The following IL1RAPL2 variants were observed in gnomAD, a reference collection of about 807,000 sequenced individuals.
IL1RAPL2 encodes interleukin 1 receptor accessory protein like 2, also known as X-linked interleukin-1 receptor accessory protein-like 2.
Under a neutral mutation model 44.1 loss-of-function variants are expected in IL1RAPL2, and 3 were observed. That is an observed-to-expected ratio of 0.07 (90% confidence interval 0.03 to 0.18). IL1RAPL2 has a LOEUF of 0.18. IL1RAPL2 is among the 10% of genes least tolerant of loss of function. The pLI is 1.00. For synonymous variants in IL1RAPL2, 181 were observed against 178.8 expected (o/e 1.01, Z -0.10); for missense variants, 391 against 496.4 (o/e 0.79, Z 2.02).
Position 104,871,376 on chromosome X carries a change from A to G in IL1RAPL2, c.82+212381A>G, listed in dbSNP as rs1470981367. Among the ~76,000 whole-genome samples, 43 of 111,706 alleles carry G rather than the reference A, an allele frequency of 3.8e-4. No individual in the cohort carries two copies. In the Admixed American group the frequency reaches 4.1e-3, roughly 11 times the overall value. Reference sequence around the variant, plus strand: ...TTTTTCTATTGTCACATGATAATACAAATCTGGGACACCACAGTAGAAATA... The same window carrying G: ...TTTTTCTATTGTCACATGATAATACGAATCTGGGACACCACAGTAGAAATA... On this transcript the variant is annotated intron_variant, in intron 2 of 10. Coordinates refer to ENST00000372582, the MANE Select transcript of IL1RAPL2 (RefSeq NM_017416.2).
chrX:105,041,852 G>A (rs1304199102), intron 2 of IL1RAPL2, among the ~76,000 whole-genome samples: 1 of 110,705 alleles, frequency 9.0e-6, no homozygotes, highest in Non-Finnish European at 1.9e-5. Context: ...GTAACCAAAA[G>A]AGCATGGTAC....
chrX:105,577,874 A>G (rs1488151217), intron 6 of IL1RAPL2, among the ~76,000 whole-genome samples: 1 of 110,361 alleles, frequency 9.1e-6, no homozygotes, highest in Non-Finnish European at 1.9e-5. Flanking sequence ...TTGTAGGAAA[A>G]TTTTCACTTT....
intron 3 of IL1RAPL2, chrX:105,219,576 A>T: frequency 8.3e-7 from 1 of 1,209,271 alleles, no homozygotes; most frequent in Non-Finnish European, 1.1e-6. Context: ...TGGCCTCCAC[A>T]GGGGCAGCCA....
In IL1RAPL2 at chrX:105,727,654, A is replaced by ATAAAG. The variant is rs1477529636; in HGVS notation, c.902+10161_902+10165dup. Among the ~76,000 whole-genome samples, 110 of 111,646 alleles carry ATAAAG rather than the reference A, an allele frequency of 9.9e-4. 1 individual carries two copies. Among genetic ancestry groups the ATAAAG allele is most frequent in the Admixed American group, 5.5e-3 (57 of 10,441 alleles). On this transcript the variant is annotated intron_variant, in intron 7 of 10. Transcript: ENST00000372582. ...AAAGTAATTTGGAATCTGCCTGCTAATAAAGTATTTACTTGTTTACTTTCT... is the reference window on the plus strand; with the variant it reads ...AAAGTAATTTGGAATCTGCCTGCTAATAAAGTAAAGTATTTACTTGTTTACTTTCT...
At chrX:105,377,110 CA>C (rs1211696590) in intron 5 of IL1RAPL2, among the ~76,000 whole-genome samples, 1 of 111,675 alleles carries the variant, frequency 9.0e-6, no homozygotes, top group African/African-American at 3.3e-5. Context: ...TATAGTTACA[CA>C]AGCTTAGAGG....
At chrX:104,970,644 G>A (rs1471701670) in intron 2 of IL1RAPL2, among the ~76,000 whole-genome samples, 1 of 112,180 alleles carries the variant, frequency 8.9e-6, no homozygotes, top group East Asian at 2.8e-4. Flanking sequence ...ACATGGCACT[G>A]GTGGGCATGT....
intron 6 of IL1RAPL2, among the ~76,000 whole-genome samples, chrX:105,671,071 C>G (rs931471989): frequency 1.1e-4 from 12 of 110,257 alleles, no homozygotes; most frequent in African/African-American, 3.6e-4. Flanking sequence ...CCTCAGCTCC[C>G]GAGTAGCTGG....
chrX:104,818,397 T>C (rs1296095566), intron 2 of IL1RAPL2, among the ~76,000 whole-genome samples: 1 of 103,874 alleles, frequency 9.6e-6, no homozygotes. Context: ...GATCACAGAA[T>C]TGTGATCCAG....
At chrX:105,640,797 T>TAGAGAG (rs1156976472) in intron 6 of IL1RAPL2, among the ~76,000 whole-genome samples, 24 of 84,998 alleles carry the variant, frequency 2.8e-4, no homozygotes, top group African/African-American at 6.1e-4. Flanking sequence ...TAGATATAGA[T>TAGAGAG]AGAGAGAGAG....
At chrX:105,204,277 C>T (rs782019843) in intron 3 of IL1RAPL2, among the ~76,000 whole-genome samples, 142 of 111,420 alleles carry the variant, frequency 1.3e-3, no homozygotes, top group Non-Finnish European at 2.2e-3. Context: ...CTATTGGAGT[C>T]TTCAAAAAAT....
intron 6 of IL1RAPL2, among the ~76,000 whole-genome samples, chrX:105,562,839 T>C (rs2036949318): frequency 8.9e-6 from 1 of 112,034 alleles, no homozygotes; most frequent in African/African-American, 3.2e-5. Context: ...ATTCATCCAG[T>C]CAATTAATAT....
At chrX:104,867,833 C>T (rs187491080) in intron 2 of IL1RAPL2, among the ~76,000 whole-genome samples, 1 of 111,998 alleles carries the variant, frequency 8.9e-6, no homozygotes, top group Admixed American at 9.5e-5. Flanking sequence ...ATAATGAGGG[C>T]CTGCAGTGAG....
intron 2 of IL1RAPL2, among the ~76,000 whole-genome samples, chrX:104,688,157 CTCTG>C (rs1304740174): frequency 1.8e-5 from 2 of 111,744 alleles, no homozygotes; most frequent in African/African-American, 6.5e-5. Context: ...TTCTAATTCC[CTCTG>C]TCTGAAATAT....
intron 5 of IL1RAPL2, among the ~76,000 whole-genome samples, chrX:105,345,335 A>C (rs763036501): frequency 3.7e-4 from 41 of 111,699 alleles, no homozygotes; most frequent in Non-Finnish European, 5.6e-5. Flanking sequence ...ATCACCAGAG[A>C]AATTAGTTCA....
chrX:105,023,806 C>A (rs1356086352), intron 2 of IL1RAPL2, among the ~76,000 whole-genome samples: 6 of 110,927 alleles, frequency 5.4e-5, no homozygotes, highest in African/African-American at 1.6e-4. Flanking sequence ...AATAAGAAAG[C>A]CTTTTGGCAA....
intron 3 of IL1RAPL2, chrX:105,219,777 G>T: frequency 8.4e-7 from 1 of 1,187,527 alleles, no homozygotes. Context: ...AAGTGGGCAG[G>T]GCTGAGGTGT....
chrX:104,673,713 A>C (rs1310658141), intron 2 of IL1RAPL2, among the ~76,000 whole-genome samples: 1 of 109,752 alleles, frequency 9.1e-6, no homozygotes, highest in African/African-American at 3.3e-5. Flanking sequence ...CACGATATTG[A>C]TTCTTCCTAC....
intron 6 of IL1RAPL2, among the ~76,000 whole-genome samples, chrX:105,585,621 G>A (rs1025713143): frequency 7.2e-5 from 8 of 111,251 alleles, no homozygotes; most frequent in East Asian, 2.8e-4. Flanking sequence ...GGTGTTTGGC[G>A]TTCCATTCTG....
At chrX:105,327,089 G>C (rs2034945112) in intron 5 of IL1RAPL2, among the ~76,000 whole-genome samples, 1 of 111,880 alleles carries the variant, frequency 8.9e-6, no homozygotes, top group African/African-American at 3.3e-5. Context: ...AGGAGAGTTT[G>C]GCTGATAATC....
Sources: allele counts gnomAD v4.1 joint callset (sites outside exome capture counted in the v4.1 genomes callset), GRCh38; gene constraint gnomAD v4.1.1; transcripts MANE v1.5; gene names NCBI Gene and HGNC (gene_info 2026-07-23, HGNC 2026-07-21).